Variants in SLC4A4 observed in about 807,000 individuals in gnomAD.
SLC4A4 encodes solute carrier family 4 member 4, also known as electrogenic sodium bicarbonate cotransporter 1.
A neutral mutation model predicts 111.5 loss-of-function variants in SLC4A4; 27 were observed. The ratio of observed to expected loss-of-function variants is 0.24; its 90% CI spans 0.18 to 0.33. The LOEUF is 0.33. Ranked by LOEUF, SLC4A4 falls within the 10% of genes least tolerant of loss-of-function variation. The pLI is 1.00. For synonymous variants in SLC4A4, 443 were observed against 463.4 expected (o/e 0.96, Z 0.57); for missense variants, 909 against 1,315.5 (o/e 0.69, Z 4.78).
At chr4:71,207,100 C>T (rs1717818434) in intron 1 of SLC4A4, among the ~76,000 whole-genome samples, 1 of 152,120 alleles carries the variant, frequency 6.6e-6, no homozygotes, top group South Asian at 2.1e-4. Context: ...AACAGTACCA[C>T]CTGTCTCAAC....
At chr4:71,526,240 T>A (rs1199145226) in intron 16 of SLC4A4, among the ~76,000 whole-genome samples, 2 of 152,082 alleles carry the variant, frequency 1.3e-5, no homozygotes, top group Non-Finnish European at 2.9e-5. Context: ...TTAAACTGGA[T>A]TCAAGATCTC....
rs898727818 is a variant in SLC4A4 at position 71,069,565 on chromosome 4, G to T, written c.-65+6777G>T. ...CTGTTTATAGGATTTTCTGTTATTG[G>T]CAGCTATTTGCATTTCTCTCATATA... On this transcript the variant is annotated intron_variant, in intron 1 of 26. Coordinates refer to the SLC4A4 transcript ENST00000649996. 1.3e-5 allele frequency among the ~76,000 whole-genome samples: 2 copies of T among 152,030 alleles called. 1 individual carries two copies. The highest frequency in any genetic ancestry group is 2.9e-5 in the Non-Finnish European group (2 of 67,988).
chr4:71,336,556 G>A (rs1391902523), intron 3 of SLC4A4, among the ~76,000 whole-genome samples: 1 of 152,120 alleles, frequency 6.6e-6, no homozygotes, highest in African/African-American at 2.4e-5. Context: ...TCTTCCTGTT[G>A]TACAACTTAT....
intron 18 of SLC4A4, among the ~76,000 whole-genome samples, chr4:71,537,872 G>T (rs917475502): frequency 6.6e-6 from 1 of 152,060 alleles, no homozygotes; most frequent in Non-Finnish European, 1.5e-5. Flanking sequence ...CCAAGGATTG[G>T]CACGGTCTCT....
At chr4:71,325,783 C>G (rs563147795) in intron 3 of SLC4A4, among the ~76,000 whole-genome samples, 1 of 151,892 alleles carries the variant, frequency 6.6e-6, no homozygotes, top group African/African-American at 2.4e-5. Flanking sequence ...AATGGTTATA[C>G]AAGTATAAAG....
At chr4:71,379,850 G>C (rs554976742) in intron 6 of SLC4A4, among the ~76,000 whole-genome samples, 3 of 152,110 alleles carry the variant, frequency 2.0e-5, no homozygotes, top group Admixed American at 2.0e-4. Flanking sequence ...TGGTGGTGAT[G>C]GTGATATGTG....
chr4:71,338,573 T>C (rs537148157), intron 3 of SLC4A4, among the ~76,000 whole-genome samples: 1 of 151,972 alleles, frequency 6.6e-6, no homozygotes, highest in East Asian at 1.9e-4. Context: ...CTTCTTTTTT[T>C]TTTTTTTGAA....
intron 18 of SLC4A4, among the ~76,000 whole-genome samples, chr4:71,544,938 A>G (rs1457090848): frequency 2.6e-5 from 4 of 151,996 alleles, no homozygotes; most frequent in Non-Finnish European, 5.9e-5. Flanking sequence ...GTCAATACTC[A>G]TTGAAAGAAT....
chr4:71,471,322 G>T (rs1223929188), intron 13 of SLC4A4, among the ~76,000 whole-genome samples: 1 of 151,960 alleles, frequency 6.6e-6, no homozygotes, highest in African/African-American at 2.4e-5. Flanking sequence ...TTAAGCTAGG[G>T]TGTCTGACTT....
chr4:71,466,324 T>G, intron 12 of SLC4A4, 120 bp from the exon 13 acceptor site: 2 of 1,083,674 alleles, frequency 1.8e-6, no homozygotes, highest in Non-Finnish European at 2.8e-6. Flanking sequence ...TCTTCATTCT[T>G]GATATGTTTG....
At position 71,569,473 on chromosome 4, in the gene SLC4A4, A is replaced by G. The variant is rs1401261079; in HGVS notation, c.*1722A>G. On this transcript the variant is annotated 3_prime_UTR_variant, in exon 26 of 26. Coordinates refer to ENST00000264485, the MANE Select transcript of SLC4A4 (RefSeq NM_001098484.3). ...ATATGTATGTATATTTCAAAGTACC[A>G]CACTGAAAATTAGACATTTATTAAC... 5 of 151,720 alleles carry G rather than the reference A, an allele frequency of 3.3e-5. No individual in the cohort carries two copies. The highest frequency in any genetic ancestry group is 1.2e-4 in the African/African-American group (5 of 41,376). The allele number at this position is 151,720 out of a possible 1,614,324, so 9.4% of individuals were successfully genotyped here. A position where few individuals can be genotyped will look rare whatever the true frequency, so the allele number is the denominator to read the frequency against.
chr4:71,181,146 A>G (rs1483307462), intron 2 of SLC4A4, among the ~76,000 whole-genome samples: 3 of 146,212 alleles, frequency 2.1e-5, no homozygotes, highest in African/African-American at 7.6e-5. Context: ...GTTCTCACTC[A>G]TAGGTGGGAA....
rs576720876 is a variant in SLC4A4 at position 71,421,953 on chromosome 4, A to C, written c.808-18663A>C. Reference sequence around the variant, plus strand: ...TAGAAAAGCAAGAGCAAACACATTCAAAAGCTAGCAGAAGGCAAGAAATAA... The same window carrying C: ...TAGAAAAGCAAGAGCAAACACATTCCAAAGCTAGCAGAAGGCAAGAAATAA... On this transcript the variant is annotated intron_variant, in intron 7 of 25. Transcript: ENST00000264485. 1.2e-4 allele frequency among the ~76,000 whole-genome samples: 18 copies of C among 152,266 alleles called. No individual in the cohort carries two copies. In the South Asian group the frequency reaches 2.5e-3, roughly 21 times the overall value.
rs187397124 is a variant in SLC4A4, at chr4:71,266,024, G to A, written c.253+10625G>A. 2.6e-5 allele frequency among the ~76,000 whole-genome samples: 4 copies of A among 152,030 alleles called. No individual in the cohort carries two copies. The East Asian group carries it at 7.7e-4, about 29-fold the overall frequency. On this transcript the variant is annotated intron_variant, in intron 3 of 25. Transcript: ENST00000264485. ...AATTCAGTTTATACTTTTTATAGGA[G>A]GTGACCTCAAGTCTTTGTTCAGCCA...
intron 3 of SLC4A4, among the ~76,000 whole-genome samples, chr4:71,286,176 C>A (rs1723904940): frequency 6.6e-6 from 1 of 152,064 alleles, no homozygotes; most frequent in African/African-American, 2.4e-5. Flanking sequence ...GGAGGTGGAG[C>A]TTTCAGTGAG....
chr4:71,229,595 C>A (rs572010632), intron 1 of SLC4A4, among the ~76,000 whole-genome samples: 2 of 152,228 alleles, frequency 1.3e-5, no homozygotes, highest in Non-Finnish European at 2.9e-5. Context: ...GATTAGGGTG[C>A]TCCTGAGCTC....
At chr4:71,539,114 T>A (rs1734822246) in intron 18 of SLC4A4, among the ~76,000 whole-genome samples, 1 of 152,094 alleles carries the variant, frequency 6.6e-6, no homozygotes, top group Admixed American at 6.6e-5. Flanking sequence ...AATTTGAGGG[T>A]GTTCTTTTTG....
chr4:71,394,179 G>A (rs1307559469), intron 6 of SLC4A4, among the ~76,000 whole-genome samples: 1 of 152,024 alleles, frequency 6.6e-6, no homozygotes, highest in Non-Finnish European at 1.5e-5. Context: ...TAATTAAAGA[G>A]CTTTTGCATA....
intron 1 of SLC4A4, among the ~76,000 whole-genome samples, chr4:71,082,615 G>T (rs1484420770): frequency 6.6e-6 from 1 of 151,714 alleles, no homozygotes; most frequent in African/African-American, 2.4e-5. Context: ...CAAACATTGG[G>T]GAAACAATAG....
Sources: gnomAD v4.1 joint callset for allele counts (sites outside exome capture counted in the v4.1 genomes callset) on GRCh38, gnomAD v4.1.1 for gene constraint, MANE v1.5 for transcripts, NCBI Gene and HGNC (gene_info 2026-07-23, HGNC 2026-07-21) for gene names.